Variants in SCGN observed in about 807,000 individuals in gnomAD.
SCGN encodes secretagogin, EF-hand calcium binding protein, also known as secretagogin.
Under a neutral mutation model 39.7 loss-of-function variants are expected in SCGN, and 30 were observed. The ratio of observed to expected loss-of-function variants is 0.76; its 90% confidence interval spans 0.57 to 1.03. SCGN has a LOEUF of 1.03. SCGN is among the 50% of genes least tolerant of loss of function. The pLI, the probability that SCGN is intolerant of heterozygous loss-of-function variation, is 0.00. For missense variants in SCGN, 353 were observed against 349.4 expected, an observed-to-expected ratio of 1.01 and a Z score of -0.08; for synonymous variants, 106 against 114.1, an observed-to-expected ratio of 0.93 and a Z score of 0.45.
At chr6:25,694,079 A>G (rs1759808942) in intron 10 of SCGN, among the ~76,000 whole-genome samples, 1 of 152,222 alleles carries the variant, frequency 6.6e-6, no homozygotes, top group Non-Finnish European at 1.5e-5. Context: ...TAGCTATATC[A>G]CATATTGATC....
At chr6:25,680,916 T>C (rs978214689) in intron 6 of SCGN, among the ~76,000 whole-genome samples, 1 of 152,210 alleles carries the variant, frequency 6.6e-6, no homozygotes, top group Non-Finnish European at 1.5e-5. Context: ...ACTAATGCAT[T>C]TTTTAAAGCA....
chr6:25,701,208 C>CCAG lies in SCGN; in HGVS notation c.707_709dup (p.Ser236dup), dbSNP rs1382407224. 1.2e-6 allele frequency: 2 copies of CCAG among 1,610,222 alleles called. No homozygotes were observed. The highest frequency in any genetic ancestry group is 2.7e-5 in the African/African-American group (2 of 74,820). On this transcript the variant is annotated inframe_insertion and splice_region_variant, in exon 11 of 11. Coordinates refer to ENST00000377961, the MANE Select transcript of SCGN (RefSeq NM_006998.4). ...ACATGTTACTTTTGTCGCCCTCAGC[C>CCAG]CAGCATCAGCGGGGTGGACCTTGAT...
intron 4 of SCGN, among the ~76,000 whole-genome samples, chr6:25,665,696 T>C (rs1213065394): frequency 6.6e-6 from 1 of 152,248 alleles, no homozygotes; most frequent in Non-Finnish European, 1.5e-5. Flanking sequence ...ACAGCCACTG[T>C]ATCCGGGACC....
chr6:25,686,670 G>T (rs926420822), intron 7 of SCGN, among the ~76,000 whole-genome samples: 1 of 151,808 alleles, frequency 6.6e-6, no homozygotes, highest in Admixed American at 6.6e-5. Context: ...TCTTGATGAT[G>T]TCCTTTGAAG....
chr6:25,654,936 C>T (rs1421571475), intron 2 of SCGN, among the ~76,000 whole-genome samples: 1 of 152,144 alleles, frequency 6.6e-6, no homozygotes, highest in Non-Finnish European at 1.5e-5. Flanking sequence ...CATTCTTGTA[C>T]CTACACAAGC....
chr6:25,700,160 G>T (rs531550778), intron 10 of SCGN, among the ~76,000 whole-genome samples: 1 of 144,528 alleles, frequency 6.9e-6, no homozygotes, highest in Non-Finnish European at 1.5e-5. Flanking sequence ...TGGGAGAATC[G>T]CTTGAACCCG....
intron 10 of SCGN, among the ~76,000 whole-genome samples, chr6:25,697,901 G>A (rs1377844879): frequency 1.3e-5 from 2 of 152,186 alleles, no homozygotes; most frequent in African/African-American, 4.8e-5. Context: ...TCTGACATGT[G>A]TCAGCTGTGT....
intron 6 of SCGN, among the ~76,000 whole-genome samples, chr6:25,675,308 C>G (rs1287430341): frequency 9.2e-5 from 14 of 152,212 alleles, no homozygotes. Context: ...CCTGAGTAGG[C>G]CTGAACTACA....
chr6:25,665,047 G>A lies in SCGN; in HGVS notation c.336+15G>A. 2 of 1,599,438 alleles carry A rather than the reference G, an allele frequency of 1.3e-6. No individual in the cohort carries two copies. The highest frequency in any genetic ancestry group is 1.7e-6 in the Non-Finnish European group (2 of 1,167,026). On this transcript the variant is annotated intron_variant, in intron 4 of 10. Coordinates refer to ENST00000377961, the MANE Select transcript of SCGN (RefSeq NM_006998.4). ...AGTTTATGCAGGTGAGTGCTTGGTT[G>A]TGTCTCTGTGAAGAAAGAGGACTGA...
chr6:25,701,171 G>A, intron 10 of SCGN, 36 bp from the exon 11 acceptor site: 1 of 1,588,668 alleles, frequency 6.3e-7, no homozygotes. Context: ...AACACCATTG[G>A]CTTGCCTGTT....
At chr6:25,674,268 A>T (rs773043280) in intron 6 of SCGN, among the ~76,000 whole-genome samples, 3 of 152,232 alleles carry the variant, frequency 2.0e-5, no homozygotes, top group Non-Finnish European at 4.4e-5. Context: ...TTCCACCCAA[A>T]GATTTGAGTT....
At chr6:25,662,402 T>C (rs1041564116) in intron 3 of SCGN, among the ~76,000 whole-genome samples, 6 of 152,208 alleles carry the variant, frequency 3.9e-5, no homozygotes, top group African/African-American at 1.4e-4. Context: ...ACCCTGCTTA[T>C]AGATATGAAT....
rs73733732 is a variant in SCGN, at chr6:25,673,717, A to G, written c.471+3641A>G. ...CAGTTAAGTACTCATTTTGGTTCTA[A>G]ATTGTCCCATGGAGACAGGTCCATA... On this transcript the variant is annotated intron_variant, in intron 6 of 10. Coordinates refer to ENST00000377961, the MANE Select transcript of SCGN (RefSeq NM_006998.4). 5.1e-3 allele frequency among the ~76,000 whole-genome samples: 780 copies of G among 152,254 alleles called. 7 individuals carry two copies. The highest frequency in any genetic ancestry group is 0.017 in the African/African-American group (715 of 41,540).
intron 6 of SCGN, among the ~76,000 whole-genome samples, chr6:25,676,179 C>G (rs1198473677): frequency 1.3e-5 from 2 of 152,322 alleles, no homozygotes; most frequent in East Asian, 1.9e-4. Context: ...GTTTCTCACC[C>G]TGTTCCAAGG....
At position 25,661,556 on chromosome 6, in the gene SCGN, C is replaced by T. The variant is rs767571365; in HGVS notation, c.158C>T (p.Thr53Met). 2.7e-5 allele frequency: 43 copies of T among 1,611,304 alleles called. No individual in the cohort carries two copies. The highest frequency in any genetic ancestry group is 8.0e-5 in the African/African-American group (6 of 74,846). ...HMLMKLGTDD[T>M]VMKANLHKVK... ...GCTCTGTTTGGTCAATTGCAGGACACGGTCATGAAAGCAAATTTGCACAAG... is the reference window on the plus strand; with the variant it reads ...GCTCTGTTTGGTCAATTGCAGGACATGGTCATGAAAGCAAATTTGCACAAG... The change falls in exon 3 of 11, where the codon ACG (threonine) becomes ATG (methionine). Residue 53 changes from threonine (T) to methionine (M), a missense_variant. Coordinates refer to ENST00000377961, the MANE Select transcript of SCGN (RefSeq NM_006998.4).
intron 4 of SCGN, among the ~76,000 whole-genome samples, chr6:25,665,936 G>A (rs7775000): frequency 0.28 from 42,542 of 152,030 alleles, 6,021 homozygotes; most frequent in African/African-American, 0.32. Flanking sequence ...TCTGTTGGTA[G>A]GCATACATTG....
chr6:25,699,799 G>C (rs927050979), intron 10 of SCGN, among the ~76,000 whole-genome samples: 2 of 152,042 alleles, frequency 1.3e-5, no homozygotes, highest in African/African-American at 4.8e-5. Flanking sequence ...TTGGTCAATA[G>C]AGCTGAGTCC....
chr6:25,684,276 A>ACTCCAT (rs1759675589), intron 7 of SCGN, among the ~76,000 whole-genome samples: 1 of 152,150 alleles, frequency 6.6e-6, no homozygotes, highest in Non-Finnish European at 1.5e-5. Context: ...GTAGCACTGA[A>ACTCCAT]CAGAGATGAA....
chr6:25,656,348 A>C (rs1382750154), intron 2 of SCGN, among the ~76,000 whole-genome samples: 1 of 152,202 alleles, frequency 6.6e-6, no homozygotes, highest in Non-Finnish European at 1.5e-5. Flanking sequence ...GATCACAGAG[A>C]TCTCAGAAGA....
Sources: gnomAD v4.1 joint callset for allele counts (sites outside exome capture counted in the v4.1 genomes callset) on GRCh38, gnomAD v4.1.1 for gene constraint, MANE v1.5 for transcripts, NCBI Gene and HGNC (gene_info 2026-07-23, HGNC 2026-07-21) for gene names.